The following PHTF2 variants were observed in gnomAD, a reference collection of about 807,000 sequenced individuals.
The protein encoded by PHTF2 is putative homeodomain transcription factor 2, also known as protein PHTF2.
PHTF2 carries 60 observed loss-of-function variants against 101.2 expected under a neutral mutation model. The ratio of observed to expected loss-of-function variants is 0.59; its 90% CI spans 0.48 to 0.73. PHTF2 has a LOEUF of 0.73. Ranked by LOEUF, PHTF2 falls within the 30% of genes least tolerant of loss-of-function variation. The pLI, the probability that PHTF2 is intolerant of heterozygous loss-of-function variation, is 0.00. For synonymous variants in PHTF2, 311 were observed against 307.3 expected, an observed-to-expected ratio of 1.01 and a Z score of -0.13; for missense variants, 747 against 908.7, an observed-to-expected ratio of 0.82 and a Z score of 2.29.
At chr7:77,919,460 A>C (rs1211879781) in intron 9 of PHTF2, among the ~76,000 whole-genome samples, 1 of 152,208 alleles carries the variant, frequency 6.6e-6, no homozygotes. Context: ...TGCATTGAGC[A>C]CATTTTAATT....
chr7:77,917,405 C>T (rs1255807513), intron 9 of PHTF2, among the ~76,000 whole-genome samples: 3 of 152,134 alleles, frequency 2.0e-5, no homozygotes, highest in Non-Finnish European at 2.9e-5. Flanking sequence ...AACCCCAGTC[C>T]TTTTCAGTGA....
intron 3 of PHTF2, among the ~76,000 whole-genome samples, chr7:77,874,111 T>C (rs1022472123): frequency 2.0e-5 from 3 of 152,234 alleles, no homozygotes; most frequent in African/African-American, 7.2e-5. Context: ...AGGTATTGTG[T>C]TGAGTCACTA....
intron 11 of PHTF2, chr7:77,923,428 T>C (rs566424245): frequency 1.0e-6 from 1 of 984,884 alleles, no homozygotes; most frequent in South Asian, 4.7e-5. Flanking sequence ...AGTAATTTTT[T>C]CCTTGATGGT....
In PHTF2 at chr7:77,913,261, G is replaced by T. The variant is rs189937306; in HGVS notation, c.776+2852G>T. On this transcript the variant is annotated intron_variant, in intron 9 of 19. Transcript: ENST00000416283. The stretch of plus-strand genomic sequence containing the variant: ...AAATTAGCTGGGCGTGATAGTGGGT[G>T]CCTATAATCCCAGCTATTTGAGAGG... Among the ~76,000 whole-genome samples the T allele has an allele frequency of 5.2e-3, 794 of 151,942 alleles. 7 individuals carry two copies. The highest frequency in any genetic ancestry group is 0.019 in the African/African-American group (771 of 41,440).
chr7:77,808,649 C>T (rs1384138262), intron 1 of PHTF2, among the ~76,000 whole-genome samples: 1 of 152,210 alleles, frequency 6.6e-6, no homozygotes, highest in Non-Finnish European at 1.5e-5. Flanking sequence ...CTACAGCACT[C>T]TCTTTGTGCA....
intron 3 of PHTF2, among the ~76,000 whole-genome samples, chr7:77,892,824 C>T (rs1173095956): frequency 6.6e-6 from 1 of 152,154 alleles, no homozygotes; most frequent in Admixed American, 6.5e-5. Flanking sequence ...AGAAATTCTG[C>T]TTCATAATTA....
At chr7:77,936,384 A>G (rs1440774059) in intron 12 of PHTF2, among the ~76,000 whole-genome samples, 1 of 152,180 alleles carries the variant, frequency 6.6e-6, no homozygotes, top group African/African-American at 2.4e-5. Context: ...TTTTTAGAAA[A>G]TGTGGGAAGT....
chr7:77,841,883 T>G (rs1795912943), intron 2 of PHTF2, among the ~76,000 whole-genome samples: 1 of 152,192 alleles, frequency 6.6e-6, no homozygotes, highest in African/African-American at 2.4e-5. Context: ...TTTGAAAGTT[T>G]TTCTCTTTCC....
At chr7:77,800,640 CT>C (rs201703322) in intron 1 of PHTF2, among the ~76,000 whole-genome samples, 1 of 152,102 alleles carries the variant, frequency 6.6e-6, no homozygotes, top group Non-Finnish European at 1.5e-5. Flanking sequence ...AAACCATGAA[CT>C]TTTTTTGGCT....
chr7:77,930,317 G>A (rs1022761458), intron 12 of PHTF2, among the ~76,000 whole-genome samples: 10 of 152,106 alleles, frequency 6.6e-5, no homozygotes, highest in African/African-American at 1.4e-4. Context: ...TGGACAGCAC[G>A]ATTTTATAGG....
intron 3 of PHTF2, among the ~76,000 whole-genome samples, chr7:77,879,133 C>A (rs1799192546): frequency 6.6e-6 from 1 of 152,194 alleles, no homozygotes; most frequent in Non-Finnish European, 1.5e-5. Context: ...AGACATTGGT[C>A]CTTTCAGACC....
intron 1 of PHTF2, among the ~76,000 whole-genome samples, chr7:77,799,499 A>C (rs899915358): frequency 6.6e-6 from 1 of 152,192 alleles, no homozygotes; most frequent in African/African-American, 2.4e-5. Flanking sequence ...CCCTCTGAGC[A>C]GGCGGCAGTC....
At chr7:77,916,010 T>C (rs1474688461) in intron 9 of PHTF2, among the ~76,000 whole-genome samples, 1 of 150,966 alleles carries the variant, frequency 6.6e-6, no homozygotes, top group African/African-American at 2.5e-5. Flanking sequence ...TGTGTGTGTG[T>C]AATACTAAAA....
chr7:77,918,110 C>T (rs944200207), intron 9 of PHTF2, among the ~76,000 whole-genome samples: 3 of 152,104 alleles, frequency 2.0e-5, no homozygotes, highest in Non-Finnish European at 4.4e-5. Context: ...TAGTATTTAC[C>T]CTGCCCTGTT....
intron 3 of PHTF2, among the ~76,000 whole-genome samples, chr7:77,883,380 A>G (rs1330555401): frequency 6.6e-6 from 1 of 152,168 alleles, no homozygotes; most frequent in East Asian, 1.9e-4. Context: ...TCATGACCAC[A>G]TAATTTTGGG....
At chr7:77,942,922 G>T in intron 16 of PHTF2, 136 bp downstream of exon 15, 1 of 510,324 alleles carries the variant, frequency 2.0e-6, no homozygotes, top group Non-Finnish European at 3.4e-6. Context: ...CAGTTTTTTT[G>T]GTAGAATAAA....
intron 11 of PHTF2, among the ~76,000 whole-genome samples, chr7:77,926,028 G>A (rs1009736611): frequency 4.0e-5 from 6 of 151,572 alleles, no homozygotes; most frequent in Non-Finnish European, 7.4e-5. Flanking sequence ...TGCATCCAGC[G>A]TGGTGACAGA....
intron 3 of PHTF2, among the ~76,000 whole-genome samples, chr7:77,868,510 G>A (rs913029214): frequency 3.9e-5 from 6 of 151,928 alleles, no homozygotes; most frequent in African/African-American, 1.2e-4. Context: ...CAAAGAAAAA[G>A]TGAAAGCTAT....
intron 1 of PHTF2, among the ~76,000 whole-genome samples, chr7:77,811,093 G>A (rs967781413): frequency 3.3e-5 from 5 of 151,508 alleles, no homozygotes; most frequent in African/African-American, 1.2e-4. Flanking sequence ...GTAGATACAG[G>A]GTTTCACCAT....
Sources: gnomAD v4.1 joint callset for allele counts (sites outside exome capture counted in the v4.1 genomes callset) on GRCh38, gnomAD v4.1.1 for gene constraint, MANE v1.5 for transcripts, NCBI Gene and HGNC (gene_info 2026-07-23, HGNC 2026-07-21) for gene names.